CHD4: variants seen among roughly 807,000 people sequenced by gnomAD.
The protein encoded by CHD4 is ATP-dependent chromatin remodeler CHD4.
In CHD4, 35 loss-of-function variants were observed where a neutral mutation model predicts 235.5. The ratio of observed to expected loss-of-function variants is 0.15; its 90% CI spans 0.11 to 0.20. The LOEUF (loss-of-function observed/expected upper bound fraction) is 0.20. Ranked by LOEUF, CHD4 falls within the 10% of genes least tolerant of loss-of-function variation. The pLI is 1.00. For missense variants in CHD4, 1,329 were observed against 2,432.3 expected (o/e 0.55, Z 9.54); for synonymous variants, 900 against 850.2 (o/e 1.06, Z -1.02).
At chr12:6,585,458 A>G (rs1948267770) in intron 25 of CHD4, among the ~76,000 whole-genome samples, 1 of 151,170 alleles carries the variant, frequency 6.6e-6, no homozygotes, top group South Asian at 2.1e-4. Flanking sequence ...TAATTTTTGT[A>G]TTTTTAGTAG....
intron 2 of CHD4, among the ~76,000 whole-genome samples, chr12:6,604,135 C>A (rs1372214057): frequency 1.3e-5 from 2 of 152,044 alleles, no homozygotes; most frequent in African/African-American, 4.8e-5. Context: ...ATTAGCCAGG[C>A]ATGGTGGTGG....
At position 6,583,015 on chromosome 12, in the gene CHD4, C is replaced by G; in HGVS notation, c.4147+12G>C. The G allele has an allele frequency of 6.3e-7, 1 of 1,585,202 alleles. No individual in the cohort carries two copies. The highest frequency in any genetic ancestry group is 8.6e-7 in the Non-Finnish European group (1 of 1,166,864). ...ACATTTAGAAAAGCAACAAAAAAAG[C>G]ACAGCCCTCACCTTCTGAACGTTCA... is the stretch of plus-strand genomic sequence containing the variant. On this transcript the variant is annotated intron_variant, in intron 27 of 39. Coordinates refer to ENST00000544040, the MANE Select transcript of CHD4 (RefSeq NM_001273.5).
chr12:6,584,083 A>G (rs1180614020), intron 25 of CHD4: 1 of 152,172 alleles, frequency 6.6e-6, no homozygotes, highest in Non-Finnish European at 1.5e-5. Context: ...TCAAACAACC[A>G]TAGATGGAAA....
Position 6,595,398 on chromosome 12 carries a change from C to T in CHD4, c.2057G>A (p.Gly686Asp). The change falls in exon 14 of 40, where the codon GGC becomes GAC. Residue 686 changes from glycine to aspartate, a missense_variant. Physicochemically the swap from Gly to Asp is moderately conservative, Grantham distance 94 (BLOSUM62 -1). Coordinates refer to ENST00000544040, the MANE Select transcript of CHD4 (RefSeq NM_001273.5). ...AAGCTTCACCTTCTTGAGCTTCTTG[C>T]CTGGTCGGCCTTCCTCACCCCTCAT... ...ELMRGEEGRP[G>D]KKLKKVKLRK... The T allele has an allele frequency of 6.2e-7, 1 of 1,614,060 alleles. No homozygotes were observed. Among genetic ancestry groups the T allele is most frequent in the Non-Finnish European group, 8.5e-7 (1 of 1,179,964 alleles).
chr12:6,601,847 G>C, intron 4 of CHD4, 81 bp from the exon 5 acceptor site: 1 of 1,562,422 alleles, frequency 6.4e-7, no homozygotes, highest in African/African-American at 1.4e-5. Context: ...AAAAATCAGA[G>C]TAACAGAGTT....
chr12:6,574,757 C>T (rs1185437936), intron 37 of CHD4, among the ~76,000 whole-genome samples: 1 of 152,206 alleles, frequency 6.6e-6, no homozygotes, highest in Non-Finnish European at 1.5e-5. Context: ...ACTGCTCCCT[C>T]TCTTCTTAAA....
chr12:6,576,489 A>AT (rs1437410002), intron 37 of CHD4, among the ~76,000 whole-genome samples: 1 of 152,126 alleles, frequency 6.6e-6, no homozygotes, highest in East Asian at 1.9e-4. Context: ...TAATTTTTGT[A>AT]TTTTTTGTAG....
At position 6,593,751 on chromosome 12, in the gene CHD4, T is replaced by G; in HGVS notation, c.2314-135A>C. On this transcript the variant is annotated intron_variant, in intron 15 of 39. Coordinates refer to ENST00000544040, the MANE Select transcript of CHD4 (RefSeq NM_001273.5). The surrounding 1 kb of genome is among the most constrained non-coding windows in gnomAD (Gnocchi z 4.9). ...TGCGCTGCTGCTCCTGCTCTCACCT[T>G]CCTCTATACAAGTGCCCAGCCCACT... 1.3e-6 allele frequency: 1 copy of G among 741,534 alleles called. No homozygotes were observed. The highest frequency in any genetic ancestry group is 1.8e-5 in the South Asian group (1 of 56,864). The allele number at this position is 741,534 out of a possible 1,614,324, so 45.9% of individuals were successfully genotyped here.
At chr12:6,598,164 CTT>C in intron 11 of CHD4, 56 bp downstream of exon 11, 1 of 1,610,722 alleles carries the variant, frequency 6.2e-7, no homozygotes, top group South Asian at 1.1e-5. Context: ...CCACAAGGCT[CTT>C]TTGTCACTAT....
At chr12:6,592,286 T>C in intron 19 of CHD4, 107 bp downstream of exon 19, 1 of 1,428,928 alleles carries the variant, frequency 7.0e-7, no homozygotes, top group South Asian at 1.4e-5. Context: ...CAGGCCTTGC[T>C]TGCTCCTGTC....
chr12:6,592,255 C>A, intron 19 of CHD4, 138 bp downstream of exon 19: 2 of 1,283,042 alleles, frequency 1.6e-6, no homozygotes, highest in Non-Finnish European at 2.1e-6. Flanking sequence ...TGCGCTCCAG[C>A]GCCCTAGCAT....
chr12:6,604,891 C>A (rs1479880657), intron 2 of CHD4, among the ~76,000 whole-genome samples: 1 of 152,124 alleles, frequency 6.6e-6, no homozygotes, highest in African/African-American at 2.4e-5. Context: ...AGACGTGGAA[C>A]CCAGAATGTT....
chr12:6,588,090 C>T (rs779666067), intron 23 of CHD4, 141 bp from the exon 24 acceptor site: 11 of 1,089,424 alleles, frequency 1.0e-5, no homozygotes, highest in Non-Finnish European at 1.5e-5. Context: ...TGCACCCCTG[C>T]CTCCAGACAC....
intron 35 of CHD4, 48 bp downstream of exon 35, chr12:6,578,361 A>T: frequency 6.3e-7 from 1 of 1,593,244 alleles, no homozygotes; most frequent in Non-Finnish European, 8.5e-7. Context: ...AAGAACCCCA[A>T]TTTCACATCA....
At chr12:6,576,634 T>C (rs1210887474) in intron 37 of CHD4, among the ~76,000 whole-genome samples, 1 of 152,004 alleles carries the variant, frequency 6.6e-6, no homozygotes, top group Non-Finnish European at 1.5e-5. Context: ...TTGAGGTGAG[T>C]CTCGCTCTGT....
intron 4 of CHD4, 60 bp from the exon 5 acceptor site, chr12:6,601,826 A>C: frequency 1.3e-6 from 2 of 1,574,988 alleles, no homozygotes; most frequent in Non-Finnish European, 8.7e-7. Flanking sequence ...TTGCTAAGCA[A>C]ATTTGTGTGG....
At chr12:6,585,810 C>A (rs1464316741) in intron 25 of CHD4, among the ~76,000 whole-genome samples, 1 of 146,788 alleles carries the variant, frequency 6.8e-6, no homozygotes, top group Admixed American at 6.8e-5. Flanking sequence ...AACACACACA[C>A]AAAGAGGCCA....
intron 39 of CHD4, 42 bp downstream of exon 39, chr12:6,570,827 G>A: frequency 1.2e-6 from 2 of 1,613,136 alleles, no homozygotes; most frequent in Non-Finnish European, 1.7e-6. Flanking sequence ...CTCCAGAATG[G>A]TTCTGCAGGA....
chr12:6,592,932 T>C, intron 17 of CHD4, 115 bp from the exon 18 acceptor site: 1 of 1,511,980 alleles, frequency 6.6e-7, no homozygotes, highest in East Asian at 2.3e-5. Flanking sequence ...CCTCACATTC[T>C]TTTTAAAGGC....
Sources: gnomAD v4.1 joint callset for allele counts (sites outside exome capture counted in the v4.1 genomes callset) on GRCh38, gnomAD v4.1.1 for gene constraint, Gnocchi (gnomAD v3.1) non-coding constraint, MANE v1.5 for transcripts, NCBI Gene and HGNC (gene_info 2026-07-23, HGNC 2026-07-21) for gene names.